The following PTTG1IP2 variants were observed in gnomAD, a reference collection of about 807,000 sequenced individuals.
The protein encoded by PTTG1IP2 is PTTG1IP family member 2.
At chr7:90,483,903 G>GT (rs1300003182) in intron 2 of PTTG1IP2, among the ~76,000 whole-genome samples, 3 of 152,012 alleles carry the variant, frequency 2.0e-5, no homozygotes, top group African/African-American at 7.2e-5. Flanking sequence ...TCACTCTTGT[G>GT]CCACATCTTT....
At chr7:90,484,792 A>G (rs187445790) in intron 2 of PTTG1IP2, among the ~76,000 whole-genome samples, 30 of 152,278 alleles carry the variant, frequency 2.0e-4, no homozygotes, top group Admixed American at 5.9e-4. Flanking sequence ...TTCTTGCACA[A>G]CTGAACCAAA....
intron 2 of PTTG1IP2, among the ~76,000 whole-genome samples, chr7:90,485,728 A>G (rs1339063750): frequency 6.6e-6 from 1 of 152,154 alleles, no homozygotes; most frequent in African/African-American, 2.4e-5. Flanking sequence ...GCACTTCTTT[A>G]GGAGCTCGCC....
chr7:90,470,356 T>G (rs1221242164), intron 1 of PTTG1IP2: 1 of 152,226 alleles, frequency 6.6e-6, no homozygotes, highest in East Asian at 1.9e-4. Flanking sequence ...TACTTCAGTT[T>G]GGAGGCCTCT....
chr7:90,472,476 G>T (rs1374132226), intron 1 of PTTG1IP2, among the ~76,000 whole-genome samples: 1 of 152,176 alleles, frequency 6.6e-6, no homozygotes, highest in Non-Finnish European at 1.5e-5. Context: ...AAGGCAGATA[G>T]CTCCAAGGAA....
intron 6 of PTTG1IP2, among the ~76,000 whole-genome samples, chr7:90,502,168 C>G (rs1272742859): frequency 1.3e-5 from 2 of 152,220 alleles, no homozygotes; most frequent in East Asian, 3.8e-4. Context: ...TAATCTCTTG[C>G]TATTTCCACC....
rs1017569930 is a variant in PTTG1IP2, at chr7:90,498,056, C to T, written c.*50+3626C>T. Among the ~76,000 whole-genome samples the T allele has an allele frequency of 4.0e-5, 6 of 151,008 alleles. No homozygotes were observed. The East Asian group carries it at 7.8e-4, about 20-fold the overall frequency. On this transcript the variant is annotated intron_variant, in intron 6 of 6. Coordinates refer to ENST00000509356, the MANE Select transcript of PTTG1IP2 (RefSeq NM_001365443.2). Reference sequence around the variant, plus strand: ...CCTTTTTTTTTTTGAGATGGAGTCTCGCTCTGTTGCCCAGACTAGAGTGCA... The same window carrying T: ...CCTTTTTTTTTTTGAGATGGAGTCTTGCTCTGTTGCCCAGACTAGAGTGCA...
At chr7:90,509,845 A>T (rs559539610) in intron 6 of PTTG1IP2, among the ~76,000 whole-genome samples, 1 of 152,334 alleles carries the variant, frequency 6.6e-6, no homozygotes, top group East Asian at 1.9e-4. Context: ...GCAAGCAAAC[A>T]TTGTTCATAT....
chr7:90,474,582 G>T (rs538733931), intron 1 of PTTG1IP2, among the ~76,000 whole-genome samples: 112 of 152,286 alleles, frequency 7.4e-4, no homozygotes, highest in African/African-American at 2.5e-3. Flanking sequence ...CACTATAGCT[G>T]GTTGCCTCTC....
At chr7:90,489,809 A>G (rs909462524) in intron 4 of PTTG1IP2, among the ~76,000 whole-genome samples, 20 of 151,986 alleles carry the variant, frequency 1.3e-4, no homozygotes, top group Non-Finnish European at 2.8e-4. Flanking sequence ...ATCAAGTGCC[A>G]AGATCAAATA....
chr7:90,472,279 A>AACAC (rs144907444), intron 1 of PTTG1IP2, among the ~76,000 whole-genome samples: 4,824 of 137,818 alleles, frequency 0.035, 121 homozygotes, highest in African/African-American at 0.073. Context: ...ATAGCATGCA[A>AACAC]ACACACACAC....
intron 6 of PTTG1IP2, among the ~76,000 whole-genome samples, chr7:90,511,916 T>C (rs1042552684): frequency 6.6e-6 from 1 of 152,216 alleles, no homozygotes; most frequent in Non-Finnish European, 1.5e-5. Flanking sequence ...CTGTGTTCCT[T>C]CCACTCAGCC....
At chr7:90,473,297 G>T (rs1797711321) in intron 1 of PTTG1IP2, among the ~76,000 whole-genome samples, 2 of 152,130 alleles carry the variant, frequency 1.3e-5, no homozygotes, top group African/African-American at 4.8e-5. Flanking sequence ...GAGAATACTG[G>T]ACCTCACGTC....
intron 1 of PTTG1IP2, among the ~76,000 whole-genome samples, chr7:90,478,337 A>T (rs1223541066): frequency 6.6e-6 from 1 of 152,180 alleles, no homozygotes; most frequent in Non-Finnish European, 1.5e-5. Context: ...GCTGTCCTTC[A>T]CATAGCTGAG....
intron 2 of PTTG1IP2, among the ~76,000 whole-genome samples, chr7:90,486,215 C>A (rs1239891370): frequency 1.3e-5 from 2 of 152,072 alleles, no homozygotes; most frequent in Non-Finnish European, 1.5e-5. Context: ...GGATTGGTTA[C>A]CAGCACAGAG....
At chr7:90,471,490 C>G (rs530453546) in intron 1 of PTTG1IP2, among the ~76,000 whole-genome samples, 2 of 152,254 alleles carry the variant, frequency 1.3e-5, no homozygotes, top group East Asian at 3.9e-4. Context: ...CTTCTAGAAT[C>G]TAATGACTGG....
intron 6 of PTTG1IP2, among the ~76,000 whole-genome samples, chr7:90,501,711 T>A (rs1798063327): frequency 6.6e-6 from 1 of 152,154 alleles, no homozygotes; most frequent in Admixed American, 6.5e-5. Flanking sequence ...TTGCTAACAA[T>A]CATCTGAACA....
intron 2 of PTTG1IP2, 63 bp from the exon 3 acceptor site, chr7:90,487,264 A>G (rs1797884498): frequency 6.6e-6 from 1 of 152,486 alleles, no homozygotes; most frequent in Non-Finnish European, 1.5e-5. Context: ...AATACTAAAA[A>G]CTTCCTGGGA....
intron 6 of PTTG1IP2, among the ~76,000 whole-genome samples, chr7:90,511,269 G>A (rs931712117): frequency 8.5e-5 from 13 of 152,144 alleles, no homozygotes; most frequent in Admixed American, 5.2e-4. Flanking sequence ...TGAGAGGATA[G>A]CCCCCAGAAA....
At chr7:90,486,162 T>A (rs12668497) in intron 2 of PTTG1IP2, among the ~76,000 whole-genome samples, 60,253 of 151,984 alleles carry the variant, frequency 0.4, 12,966 homozygotes, top group Non-Finnish European at 0.5. Flanking sequence ...TCCCAGGATG[T>A]ACAGCAAGAA....
Sources: gnomAD v4.1 joint callset for allele counts (sites outside exome capture counted in the v4.1 genomes callset) on GRCh38, gnomAD v4.1.1 for gene constraint, MANE v1.5 for transcripts, NCBI Gene and HGNC (gene_info 2026-07-23, HGNC 2026-07-21) for gene names.